The following STK32B variants were observed in gnomAD, a reference collection of about 807,000 sequenced individuals.
The protein encoded by STK32B is serine/threonine-protein kinase 32B.
STK32B carries 43 observed loss-of-function variants against 52.6 expected under a neutral mutation model. The observed-to-expected ratio is 0.82, with a 90% CI of 0.64 to 1.05. The LOEUF (loss-of-function observed/expected upper bound fraction) is 1.05, where lower values mean the gene tolerates loss of function less well. Among genes scored for constraint, STK32B ranks in the 50% least tolerant of loss-of-function variants. The pLI is 0.00. For missense variants in STK32B, 621 were observed against 534.6 expected (o/e 1.16, Z -1.59); for synonymous variants, 238 against 204.3 (o/e 1.17, Z -1.41).
intron 6 of STK32B, among the ~76,000 whole-genome samples, chr4:5,433,584 A>C (rs1713776826): frequency 6.6e-6 from 1 of 152,190 alleles, no homozygotes; most frequent in Non-Finnish European, 1.5e-5. Context: ...ATAACATTTA[A>C]GGGAGGAAGG....
At chr4:5,030,273 A>G in the STK32B span, among the ~76,000 whole-genome samples, 1 of 152,354 alleles carries the variant, frequency 6.6e-6, no homozygotes, top group Non-Finnish European at 1.5e-5. Context: ...CACATGTGCC[A>G]TATTACCCAT....
intron 3 of STK32B, among the ~76,000 whole-genome samples, chr4:5,210,441 T>C (rs1722839513): frequency 6.6e-6 from 1 of 152,210 alleles, no homozygotes; most frequent in African/African-American, 2.4e-5. Context: ...GCATAGCTAG[T>C]CTTTCATCAG....
At chr4:5,272,047 T>C (rs985922821) in intron 3 of STK32B, among the ~76,000 whole-genome samples, 3 of 148,050 alleles carry the variant, frequency 2.0e-5, no homozygotes, top group Non-Finnish European at 4.4e-5. Flanking sequence ...CTATGTTGAA[T>C]AGGAGTGGTG....
At chr4:5,244,450 A>G (rs897976998) in intron 3 of STK32B, among the ~76,000 whole-genome samples, 3 of 151,976 alleles carry the variant, frequency 2.0e-5, no homozygotes, top group Non-Finnish European at 4.4e-5. Context: ...TATTGCATCT[A>G]TTTGATTCTT....
In STK32B at chr4:5,400,605, C is replaced by G. The variant is rs1389418060; in HGVS notation, c.472+2361C>G. On this transcript the variant is annotated intron_variant, in intron 5 of 11. Coordinates refer to ENST00000282908, the MANE Select transcript of STK32B (RefSeq NM_018401.3). This position sits in a 1 kb window ranked among gnomAD's most constrained non-coding sequence, Gnocchi z 6.1. Reference sequence around the variant, plus strand: ...GATAACCCTTCCCCACTCCAACACTCAATGAGTGGCTTTGCAGGTGGTACA... The same window carrying G: ...GATAACCCTTCCCCACTCCAACACTGAATGAGTGGCTTTGCAGGTGGTACA... Among the ~76,000 whole-genome samples, 6 of 152,320 alleles carry G rather than the reference C, an allele frequency of 3.9e-5. No individual in the cohort carries two copies. The highest frequency in any genetic ancestry group is 1.4e-4 in the African/African-American group (6 of 41,562).
At chr4:5,497,108 G>A (rs974037228) in intron 11 of STK32B, among the ~76,000 whole-genome samples, 2 of 152,086 alleles carry the variant, frequency 1.3e-5, no homozygotes, top group East Asian at 1.9e-4. Flanking sequence ...TGAAATCCAC[G>A]ATTTTATAGT....
At chr4:5,208,122 C>G (rs567238009) in intron 3 of STK32B, among the ~76,000 whole-genome samples, 1 of 152,244 alleles carries the variant, frequency 6.6e-6, no homozygotes, top group Non-Finnish European at 1.5e-5. Context: ...GGAGAAGGCT[C>G]TGCTCACCAG....
chr4:5,292,867 G>T (rs28838955), intron 3 of STK32B, among the ~76,000 whole-genome samples: 11,146 of 151,906 alleles, frequency 0.073, 464 homozygotes, highest in South Asian at 0.098. Context: ...GTGGTTTGCT[G>T]CACCCATCAA....
Position 5,482,933 on chromosome 4 carries a change from T to A in STK32B, c.1106+14863T>A, listed in dbSNP as rs201226803. 5.1e-4 allele frequency among the ~76,000 whole-genome samples: 78 copies of A among 152,288 alleles called. No individual in the cohort carries two copies. In the East Asian group the frequency reaches 6.9e-3, roughly 14 times the overall value. On this transcript the variant is annotated intron_variant, in intron 11 of 11. Coordinates refer to ENST00000282908, the MANE Select transcript of STK32B (RefSeq NM_018401.3). Reference sequence around the variant, plus strand: ...GAACCAGCCTTGCATCCCAGGGATGTAGCCCACTTGATCATGGTGGATAAG... The same window carrying A: ...GAACCAGCCTTGCATCCCAGGGATGAAGCCCACTTGATCATGGTGGATAAG...
rs369100572 is a variant in STK32B, at chr4:5,093,599, T to A, written c.52+41684T>A. On this transcript the variant is annotated intron_variant, in intron 1 of 11. Transcript: ENST00000282908. The stretch of plus-strand genomic sequence containing the variant: ...AGGGGGGAGGGATAGCATTAGGAGA[T>A]ATACCTAATGTTAAATGATGAGTTA... Among the ~76,000 whole-genome samples the A allele has an allele frequency of 2.7e-4, 41 of 152,212 alleles. No individual in the cohort carries two copies. The South Asian group carries it at 8.5e-3, about 32-fold the overall frequency.
chr4:5,216,834 T>G (rs985949431), intron 3 of STK32B, among the ~76,000 whole-genome samples: 1 of 152,108 alleles, frequency 6.6e-6, no homozygotes, highest in South Asian at 2.1e-4. Context: ...ATGAACAGAT[T>G]TGTTAGTTTA....
At chr4:5,150,107 C>G (rs769709953) in intron 2 of STK32B, among the ~76,000 whole-genome samples, 1 of 151,934 alleles carries the variant, frequency 6.6e-6, no homozygotes, top group Non-Finnish European at 1.5e-5. Flanking sequence ...TCATTATTGT[C>G]CAGTATGTAA....
chr4:5,231,171 G>C lies in STK32B; in HGVS notation c.260+62721G>C, dbSNP rs1724238714. 2.6e-5 allele frequency among the ~76,000 whole-genome samples: 4 copies of C among 152,210 alleles called. No homozygotes were observed. In the South Asian group the frequency reaches 8.3e-4, roughly 32 times the overall value. On this transcript the variant is annotated intron_variant, in intron 3 of 11. Transcript: ENST00000282908. ...TCTTTTGATATCTTGCATCACTCTT[G>C]CTGTTACTTGTTTGACATCTGCCTC...
intron 1 of STK32B, among the ~76,000 whole-genome samples, chr4:5,139,055 T>A (rs1369900792): frequency 2.0e-5 from 3 of 151,962 alleles, no homozygotes; most frequent in Non-Finnish European, 4.4e-5. Flanking sequence ...CAGGTGAGGA[T>A]GTTGGGAGGC....
At chr4:5,279,129 A>C (rs1351104862) in intron 3 of STK32B, among the ~76,000 whole-genome samples, 1 of 152,190 alleles carries the variant, frequency 6.6e-6, no homozygotes, top group Non-Finnish European at 1.5e-5. Flanking sequence ...CGAAAGTCTT[A>C]ACTCATTCCA....
chr4:5,253,726 A>G (rs1316051211), intron 3 of STK32B, among the ~76,000 whole-genome samples: 1 of 152,086 alleles, frequency 6.6e-6, no homozygotes, highest in Non-Finnish European at 1.5e-5. Flanking sequence ...CTGTAGCACA[A>G]TGTACATAGA....
rs1166484162 is a variant in STK32B at position 5,500,864 on chromosome 4, G to T, written c.*1781G>T. 6.6e-6 allele frequency: 1 copy of T among 152,202 alleles called. No individual in the cohort carries two copies. Among genetic ancestry groups the T allele is most frequent in the Non-Finnish European group, 1.5e-5 (1 of 68,050 alleles). The allele number at this position is 152,202 out of a possible 1,614,324, so 9.4% of individuals were successfully genotyped here. On this transcript the variant is annotated 3_prime_UTR_variant, in exon 12 of 12. Coordinates refer to ENST00000282908, the MANE Select transcript of STK32B (RefSeq NM_018401.3). ...TGACCCTGGAGGCTCTTAAGATGAT[G>T]ATGGTTTTTTTTATTGGGCTGAGTT...
intron 1 of STK32B, among the ~76,000 whole-genome samples, chr4:5,091,244 T>C (rs551788360): frequency 7.9e-5 from 12 of 152,092 alleles, no homozygotes; most frequent in African/African-American, 2.2e-4. Flanking sequence ...TTCATCAAAA[T>C]TAAATATTTT....
intron 1 of STK32B, among the ~76,000 whole-genome samples, chr4:5,089,808 G>T (rs78881226): frequency 6.6e-6 from 1 of 152,082 alleles, no homozygotes; most frequent in Non-Finnish European, 1.5e-5. Flanking sequence ...GAACTAATTT[G>T]CATTCCCACC....
Sources: allele counts gnomAD v4.1 joint callset (sites outside exome capture counted in the v4.1 genomes callset), GRCh38; gene constraint gnomAD v4.1.1; non-coding constraint Gnocchi (gnomAD v3.1); transcripts MANE v1.5; gene names NCBI Gene and HGNC (gene_info 2026-07-23, HGNC 2026-07-21).